The following ZNF385D variants were observed in gnomAD, a reference collection of about 807,000 sequenced individuals.
ZNF385D encodes the protein zinc finger protein 385D.
A neutral mutation model predicts 35.8 loss-of-function variants in ZNF385D; 15 were observed. The observed-to-expected ratio is 0.42, with a 90% confidence interval of 0.28 to 0.64. ZNF385D has a LOEUF of 0.64. ZNF385D is among the 30% of genes least tolerant of loss of function. ZNF385D has a pLI of 0.23. For missense variants in ZNF385D, 474 were observed against 494.6 expected (o/e 0.96, Z 0.39); for synonymous variants, 212 against 186.8 (o/e 1.13, Z -1.10).
chr3:21,630,205 CTT>C (rs34565673), intron 2 of ZNF385D, among the ~76,000 whole-genome samples: 7 of 140,980 alleles, frequency 5.0e-5, no homozygotes, highest in Non-Finnish European at 3.1e-5. Flanking sequence ...TCTTTTCTTT[CTT>C]TTTTTTTTTT....
At chr3:22,006,406 A>G (rs1005076712) in intron 3 of ZNF385D, among the ~76,000 whole-genome samples, 5 of 152,136 alleles carry the variant, frequency 3.3e-5, no homozygotes, top group African/African-American at 1.2e-4. Flanking sequence ...ATGACACACT[A>G]TTTCAAATTT....
At chr3:21,797,596 C>G (rs1445836488) in intron 3 of ZNF385D, among the ~76,000 whole-genome samples, 1 of 152,184 alleles carries the variant, frequency 6.6e-6, no homozygotes, top group African/African-American at 2.4e-5. Context: ...AGCAACCAAG[C>G]TGTTTTTACA....
chr3:21,718,242 ACTCCTGAT>A (rs1437684279), intron 1 of ZNF385D, among the ~76,000 whole-genome samples: 1 of 152,092 alleles, frequency 6.6e-6, no homozygotes, highest in Admixed American at 6.5e-5. Flanking sequence ...TTCCAGATTT[ACTCCTGAT>A]CAATCCTTCC....
At chr3:21,808,416 T>C (rs757212908) in intron 3 of ZNF385D, among the ~76,000 whole-genome samples, 10 of 152,254 alleles carry the variant, frequency 6.6e-5, no homozygotes, top group African/African-American at 9.6e-5. Context: ...CCAGAGACTA[T>C]GAAAAGGAGA....
At position 22,114,096 on chromosome 3, in the gene ZNF385D, C is replaced by T. The variant is rs190771815; in HGVS notation, c.325+54721G>A. 3.7e-4 allele frequency among the ~76,000 whole-genome samples: 56 copies of T among 152,128 alleles called. 1 individual carries two copies. The East Asian group carries it at 7.5e-3, about 21-fold the overall frequency. On this transcript the variant is annotated intron_variant, in intron 3 of 5. Coordinates refer to the ZNF385D transcript ENST00000494108. ...GAGAAAACATAAATCATATGCACTA[C>T]GACCATTTAAAATGAAAATTTACAG...
intron 3 of ZNF385D, among the ~76,000 whole-genome samples, chr3:21,879,465 G>C (rs1330072114): frequency 1.3e-5 from 2 of 151,982 alleles, no homozygotes; most frequent in African/African-American, 4.8e-5. Context: ...AATACGAATA[G>C]CAAGACTGTA....
At chr3:22,197,709 T>G (rs1486583952) in intron 2 of ZNF385D, among the ~76,000 whole-genome samples, 2 of 152,122 alleles carry the variant, frequency 1.3e-5, no homozygotes, top group African/African-American at 4.8e-5. Flanking sequence ...CTGCTTATAA[T>G]AGCAGCTTCC....
intron 2 of ZNF385D, among the ~76,000 whole-genome samples, chr3:21,640,143 T>A (rs2065560571): frequency 6.6e-6 from 1 of 152,084 alleles, no homozygotes; most frequent in African/African-American, 2.4e-5. Context: ...AAGCCTGGAC[T>A]CCACTCTGTG....
At chr3:21,880,956 A>C (rs1181242194) in intron 3 of ZNF385D, among the ~76,000 whole-genome samples, 1 of 152,006 alleles carries the variant, frequency 6.6e-6, no homozygotes, top group African/African-American at 2.4e-5. Flanking sequence ...GCAAAGCCCT[A>C]ACTCTGTTCA....
chr3:22,099,484 A>G (rs993339874), intron 3 of ZNF385D, among the ~76,000 whole-genome samples: 2 of 152,090 alleles, frequency 1.3e-5, no homozygotes, highest in Admixed American at 6.6e-5. Flanking sequence ...GTCTTGCTAT[A>G]AAGACTGAGA....
intron 1 of ZNF385D, among the ~76,000 whole-genome samples, chr3:21,684,217 C>A (rs965940689): frequency 1.3e-5 from 2 of 148,782 alleles, no homozygotes; most frequent in Admixed American, 1.4e-4. Flanking sequence ...TATAAAGCGC[C>A]ATGTTTAGGA....
intron 1 of ZNF385D, among the ~76,000 whole-genome samples, chr3:21,711,123 C>T (rs891089534): frequency 7.2e-6 from 1 of 139,764 alleles, no homozygotes; most frequent in Non-Finnish European, 1.5e-5. Context: ...CTCACTGCAA[C>T]TTCCGCCTCC....
At chr3:21,837,893 A>G in intron 3 of ZNF385D, among the ~76,000 whole-genome samples, 1 of 146,048 alleles carries the variant, frequency 6.8e-6, no homozygotes. Context: ...AAAATTGGAG[A>G]AATAGACTCC....
chr3:21,736,342 T>G (rs529415999), intron 1 of ZNF385D, among the ~76,000 whole-genome samples: 1 of 152,192 alleles, frequency 6.6e-6, no homozygotes. Flanking sequence ...TTTCTAAGCC[T>G]ATTGTGTGCT....
chr3:22,300,697 T>A (rs1311944888), intron 2 of ZNF385D, among the ~76,000 whole-genome samples: 3 of 151,928 alleles, frequency 2.0e-5, no homozygotes. Flanking sequence ...ACGTTCAATA[T>A]CACTAATCAC....
At chr3:22,202,514 T>C (rs1421292800) in intron 2 of ZNF385D, among the ~76,000 whole-genome samples, 1 of 152,124 alleles carries the variant, frequency 6.6e-6, no homozygotes, top group African/African-American at 2.4e-5. Context: ...TGGAAGCTTC[T>C]ACTGACTGTC....
intron 1 of ZNF385D, among the ~76,000 whole-genome samples, chr3:21,719,225 C>T (rs1167978660): frequency 6.6e-6 from 1 of 152,200 alleles, no homozygotes; most frequent in African/African-American, 2.4e-5. Context: ...CCCACACCTC[C>T]TCAATCAGCA....
At chr3:21,831,077 A>C (rs1433400270) in intron 3 of ZNF385D, among the ~76,000 whole-genome samples, 1 of 152,210 alleles carries the variant, frequency 6.6e-6, no homozygotes, top group Non-Finnish European at 1.5e-5. Flanking sequence ...GCATGAGAGG[A>C]AATGTTTTCT....
intron 2 of ZNF385D, among the ~76,000 whole-genome samples, chr3:21,644,913 G>A (rs922101473): frequency 6.6e-6 from 1 of 152,104 alleles, no homozygotes; most frequent in Non-Finnish European, 1.5e-5. Flanking sequence ...CCAGCACAGT[G>A]CCTAGTTTAT....
Sources: gnomAD v4.1 joint callset for allele counts (sites outside exome capture counted in the v4.1 genomes callset) on GRCh38, gnomAD v4.1.1 for gene constraint, MANE v1.5 for transcripts, NCBI Gene and HGNC (gene_info 2026-07-23, HGNC 2026-07-21) for gene names.